The following HHAT variants were observed in gnomAD, a reference collection of about 807,000 sequenced individuals.
The protein encoded by HHAT is hedgehog acyltransferase.
A neutral mutation model predicts 70.8 loss-of-function variants in HHAT; 47 were observed. That is an observed-to-expected ratio of 0.66 (90% CI 0.53 to 0.85). The LOEUF is 0.85. Ranked by LOEUF, HHAT falls within the 40% of genes least tolerant of loss-of-function variation. The pLI, the probability that HHAT is intolerant of heterozygous loss-of-function variation, is 0.00. For synonymous variants in HHAT, 228 were observed against 247.6 expected, an observed-to-expected ratio of 0.92 and a Z score of 0.74; for missense variants, 609 against 604.8, an observed-to-expected ratio of 1.01 and a Z score of -0.07.
chr1:210,392,179 T>C (rs903023395), intron 4 of HHAT, among the ~76,000 whole-genome samples: 12 of 152,148 alleles, frequency 7.9e-5, no homozygotes, highest in Admixed American at 6.6e-4. Context: ...GGATATTTCA[T>C]ATATTTTTAA....
intron 9 of HHAT, among the ~76,000 whole-genome samples, chr1:210,531,422 A>C (rs1166232788): frequency 6.6e-6 from 1 of 152,186 alleles, no homozygotes; most frequent in East Asian, 1.9e-4. Context: ...ACATTGTTGA[A>C]GAGGACGAGG....
chr1:210,609,875 G>A (rs1042361237), intron 10 of HHAT, among the ~76,000 whole-genome samples: 2 of 152,148 alleles, frequency 1.3e-5, no homozygotes, highest in Admixed American at 6.6e-5. Flanking sequence ...GTATTTCATG[G>A]TGTATATATA....
At chr1:210,535,128 AG>A (rs2095357158) in intron 9 of HHAT, among the ~76,000 whole-genome samples, 1 of 152,192 alleles carries the variant, frequency 6.6e-6, no homozygotes, top group Non-Finnish European at 1.5e-5. Context: ...TCTGGGGCAA[AG>A]ACAATGAATC....
chr1:210,505,709 G>A (rs936816346), intron 8 of HHAT, among the ~76,000 whole-genome samples: 5 of 152,178 alleles, frequency 3.3e-5, no homozygotes, highest in Non-Finnish European at 5.9e-5. Context: ...CCTATTAATA[G>A]GCTAAACAAG....
chr1:210,442,344 A>G (rs1045827139), intron 7 of HHAT, among the ~76,000 whole-genome samples: 1 of 139,508 alleles, frequency 7.2e-6, no homozygotes, highest in Non-Finnish European at 1.5e-5. Flanking sequence ...AGCATGATTT[A>G]TAGTCCTTTG....
intron 9 of HHAT, among the ~76,000 whole-genome samples, chr1:210,521,892 G>A (rs2095163896): frequency 6.6e-6 from 1 of 152,204 alleles, no homozygotes; most frequent in African/African-American, 2.4e-5. Flanking sequence ...GTAATGGGAA[G>A]TTAATTAGCA....
At chr1:210,517,103 T>C (rs1572976594) in intron 9 of HHAT, among the ~76,000 whole-genome samples, 1 of 151,790 alleles carries the variant, frequency 6.6e-6, no homozygotes, top group South Asian at 2.1e-4. Context: ...CTGGCTGGAG[T>C]TCTTAAATGT....
chr1:210,419,280 T>C (rs1476421202), intron 7 of HHAT, among the ~76,000 whole-genome samples: 1 of 152,170 alleles, frequency 6.6e-6, no homozygotes, highest in Admixed American at 6.5e-5. Flanking sequence ...TAGATCCCCT[T>C]TCCTTATCTA....
rs191553440 is a variant in HHAT at position 210,405,707 on chromosome 1, T to C, written c.684+1028T>C. On this transcript the variant is annotated intron_variant, in intron 6 of 11. Transcript: ENST00000261458. Reference sequence around the variant, plus strand: ...TATTCAAGAATATATTTTTGCATTATAACAATAACATAATGTTCTAAAATT... The same window carrying C: ...TATTCAAGAATATATTTTTGCATTACAACAATAACATAATGTTCTAAAATT... Among the ~76,000 whole-genome samples, 662 of 152,308 alleles carry C rather than the reference T, an allele frequency of 4.3e-3. 5 individuals carry two copies. Among genetic ancestry groups the C allele is most frequent in the African/African-American group, 0.015 (634 of 41,558 alleles).
intron 1 of HHAT, among the ~76,000 whole-genome samples, chr1:210,343,636 T>TA (rs2086233703): frequency 6.6e-6 from 1 of 152,062 alleles, no homozygotes; most frequent in African/African-American, 2.4e-5. Flanking sequence ...AGCAGAGACG[T>TA]AGGTGGTGAG....
intron 3 of HHAT, chr1:210,374,200 T>A (rs142839071): frequency 5.3e-5 from 8 of 152,220 alleles, no homozygotes; most frequent in African/African-American, 1.9e-4. Context: ...TATAACTGAT[T>A]TGTTTCTCTC....
intron 10 of HHAT, among the ~76,000 whole-genome samples, chr1:210,620,919 T>C (rs958390223): frequency 1.3e-5 from 2 of 150,608 alleles, no homozygotes; most frequent in Admixed American, 6.6e-5. Flanking sequence ...TAAGTAGATA[T>C]AGGAATTTAT....
In HHAT at chr1:210,366,424, G is replaced by T. The variant is rs1454719683; in HGVS notation, c.159+3505G>T. ...AGACCAGCGATCATTGAGGTCAGGA[G>T]TAGCCTGGCCAACATGATGAAACTC... is the stretch of plus-strand genomic sequence containing the variant. On this transcript the variant is annotated intron_variant, in intron 3 of 11. Coordinates refer to ENST00000261458, the MANE Select transcript of HHAT (RefSeq NM_018194.6). Among the ~76,000 whole-genome samples, 3 of 152,228 alleles carry T rather than the reference G, an allele frequency of 2.0e-5. 1 individual carries two copies. The highest frequency in any genetic ancestry group is 4.2e-4 in the South Asian group (2 of 4,818).
intron 7 of HHAT, among the ~76,000 whole-genome samples, chr1:210,436,265 A>G (rs1014013638): frequency 4.0e-5 from 6 of 150,932 alleles, no homozygotes; most frequent in South Asian, 4.2e-4. Flanking sequence ...AAATGAGTTC[A>G]CTGTGTATGC....
chr1:210,610,478 C>T (rs1384151549), intron 10 of HHAT, among the ~76,000 whole-genome samples: 1 of 152,160 alleles, frequency 6.6e-6, no homozygotes, highest in Non-Finnish European at 1.5e-5. Context: ...TGTCTGTTCA[C>T]TCTGATAGTT....
intron 1 of HHAT, among the ~76,000 whole-genome samples, chr1:210,346,314 G>A (rs1338289): frequency 0.12 from 18,168 of 152,106 alleles, 1,577 homozygotes; most frequent in Admixed American, 0.27. Flanking sequence ...GAGGTCATCC[G>A]ATGTAATACC....
At chr1:210,394,543 C>T (rs758256502) in intron 4 of HHAT, among the ~76,000 whole-genome samples, 22 of 152,268 alleles carry the variant, frequency 1.4e-4, no homozygotes, top group Middle Eastern at 3.4e-3. Flanking sequence ...AAAATACCCC[C>T]GTGTGAACTT....
At chr1:210,548,199 C>T (rs940987791) in intron 9 of HHAT, among the ~76,000 whole-genome samples, 6 of 152,074 alleles carry the variant, frequency 3.9e-5, no homozygotes, top group African/African-American at 9.7e-5. Flanking sequence ...GGGAAAGCAC[C>T]GAAGAACACC....
intron 9 of HHAT, among the ~76,000 whole-genome samples, chr1:210,532,344 G>A (rs73079518): frequency 0.043 from 6,550 of 152,272 alleles, 465 homozygotes; most frequent in African/African-American, 0.15. Flanking sequence ...GCTACTGAGA[G>A]GAGGTTCCTT....
Sources: allele counts gnomAD v4.1 joint callset (sites outside exome capture counted in the v4.1 genomes callset), GRCh38; gene constraint gnomAD v4.1.1; transcripts MANE v1.5; gene names NCBI Gene and HGNC (gene_info 2026-07-23, HGNC 2026-07-21).